The following SH3TC2 variants were observed in gnomAD, a reference collection of about 807,000 sequenced individuals.
The protein encoded by SH3TC2 is SH3 domain and tetratricopeptide repeats 2.
SH3TC2 carries 87 observed loss-of-function variants against 124.5 expected under a neutral mutation model. The observed-to-expected ratio is 0.70, with a 90% CI of 0.59 to 0.84. The LOEUF (loss-of-function observed/expected upper bound fraction) is 0.84, where lower values mean the gene tolerates loss of function less well. SH3TC2 is among the 40% of genes least tolerant of loss of function. The pLI, the probability that SH3TC2 is intolerant of heterozygous loss-of-function variation, is 0.00. For missense variants in SH3TC2, 1,536 were observed against 1,566.4 expected, an observed-to-expected ratio of 0.98 and a Z score of 0.33; for synonymous variants, 634 against 628.5, an observed-to-expected ratio of 1.01 and a Z score of -0.13.
chr5:149,050,303 C>T (rs1413094214), intron 2 of SH3TC2, among the ~76,000 whole-genome samples: 1 of 152,176 alleles, frequency 6.6e-6, no homozygotes, highest in Non-Finnish European at 1.5e-5. Context: ...CAGATTAATC[C>T]TTCTCAAAGT....
chr5:149,002,795 A>G lies in SH3TC2; in HGVS notation c.*1916T>C, dbSNP rs2127390806. The stretch of plus-strand genomic sequence containing the variant: ...CTTTCTAAAAATGCATGTTCCTGGG[A>G]TACATCCCAGATCTACTGAATCAGA... On this transcript the variant is annotated 3_prime_UTR_variant, in exon 17 of 17. Transcript: ENST00000515425. 1 of 152,354 alleles carries G rather than the reference A, an allele frequency of 6.6e-6. No individual in the cohort carries two copies. Among genetic ancestry groups the G allele is most frequent in the African/African-American group, 2.4e-5 (1 of 41,576 alleles). The allele number at this position is 152,354 out of a possible 1,614,324, so 9.4% of individuals were successfully genotyped here.
In SH3TC2 at chr5:149,002,884, A is replaced by C. The variant is rs887428816; in HGVS notation, c.*1827T>G. On this transcript the variant is annotated 3_prime_UTR_variant, in exon 17 of 17. Coordinates refer to ENST00000515425, the MANE Select transcript of SH3TC2 (RefSeq NM_024577.4). ...ACCTCACCAGGTAATAGTTATGCAC[A>C]CTATCTGAGGGCTCTTGCCCTGCAG... The C allele has an allele frequency of 7.2e-5, 11 of 152,636 alleles. No homozygotes were observed. The highest frequency in any genetic ancestry group is 2.4e-4 in the African/African-American group (10 of 41,590). 9.5% of individuals were successfully genotyped at this position (152,636 alleles called of 1,614,324 possible). A position where few individuals can be genotyped will look rare whatever the true frequency, so the allele number is the denominator to read the frequency against.
At chr5:149,046,630 G>A (rs1382302601) in intron 3 of SH3TC2, 1 of 152,172 alleles carries the variant, frequency 6.6e-6, no homozygotes. Flanking sequence ...AAGCTGCGGA[G>A]CCTTGATTAG....
Position 148,990,261 on chromosome 5 carries a change from T to G in SH3TC2, c.*14450A>C, listed in dbSNP as rs758906397. 2.6e-4 allele frequency among the ~76,000 whole-genome samples: 39 copies of G among 151,332 alleles called. No homozygotes were observed. Among genetic ancestry groups the G allele is most frequent in the Non-Finnish European group, 4.9e-4 (33 of 68,008 alleles). ...CATTTAAAATATATTCATAGTAAGATGACAAACTGTTCCTCTTTAGAAGTA... is the reference window on the plus strand; with the variant it reads ...CATTTAAAATATATTCATAGTAAGAGGACAAACTGTTCCTCTTTAGAAGTA... On this transcript the variant is annotated 3_prime_UTR_variant, in exon 17 of 17. Coordinates refer to ENST00000515425, the MANE Select transcript of SH3TC2 (RefSeq NM_024577.4).
intron 1 of SH3TC2, among the ~76,000 whole-genome samples, chr5:149,060,414 T>C (rs1754726263): frequency 6.6e-6 from 1 of 152,134 alleles, no homozygotes. Context: ...TTGAGAGCCA[T>C]CCCAGGGAAC....
intron 1 of SH3TC2, 91 bp from the exon 2 acceptor site, chr5:149,052,331 A>G: frequency 1.1e-6 from 1 of 944,210 alleles, no homozygotes. Context: ...CAAGTGACAA[A>G]TTTTTTCCAG....
At chr5:149,040,919 C>T (rs1295994039) in intron 6 of SH3TC2, among the ~76,000 whole-genome samples, 1 of 152,182 alleles carries the variant, frequency 6.6e-6, no homozygotes, top group Non-Finnish European at 1.5e-5. Context: ...AACAAACAAT[C>T]CCTTTACACT....
At chr5:149,060,831 G>A (rs748324802) in intron 1 of SH3TC2, among the ~76,000 whole-genome samples, 1 of 152,182 alleles carries the variant, frequency 6.6e-6, no homozygotes, top group South Asian at 2.1e-4. Flanking sequence ...CATGGGATAA[G>A]TACCACCATT....
rs1753442287 is a variant in SH3TC2, at chr5:148,992,783, T to C, written c.*11928A>G. 6.6e-6 allele frequency among the ~76,000 whole-genome samples: 1 copy of C among 152,072 alleles called. No individual in the cohort carries two copies. Among genetic ancestry groups the C allele is most frequent in the African/African-American group, 2.4e-5 (1 of 41,398 alleles). On this transcript the variant is annotated 3_prime_UTR_variant, in exon 17 of 17. Coordinates refer to ENST00000515425, the MANE Select transcript of SH3TC2 (RefSeq NM_024577.4). ...GACCCCAATCCCACTGCTCTTTAAC[T>C]ACATCACACTGAGCTAACTCATCCC... is the stretch of plus-strand genomic sequence containing the variant.
At chr5:149,028,649 T>C (rs1278069419) in intron 10 of SH3TC2, 28 bp downstream of exon 10, 1 of 1,614,144 alleles carries the variant, frequency 6.2e-7, no homozygotes, top group Admixed American at 1.7e-5. Flanking sequence ...CAAGGATGAA[T>C]GTCAGGTTCA....
rs771840516 is a variant in SH3TC2 at position 149,004,727 on chromosome 5, C to T, written c.3851G>A (p.Gly1284Asp). The T allele has an allele frequency of 6.2e-7, 1 of 1,613,364 alleles. No individual in the cohort carries two copies. Residue 1284 changes from glycine (G) to aspartate (D), a missense_variant, in exon 17 of 17, where the codon GGT becomes GAT. Physicochemically the swap from Gly to Asp is moderately conservative, Grantham distance 94. Around this residue, in one of 3 missense-constraint regions of SH3TC2, gnomAD observed 426 missense variants for 443.5 expected, o/e 0.96. Coordinates refer to ENST00000515425, the MANE Select transcript of SH3TC2 (RefSeq NM_024577.4). ...SSERARWLSG[G>D]GLAL The stretch of plus-strand genomic sequence containing the variant: ...CAGCTTTCCTCAGAGGGCCAGGCCA[C>T]CACCACTCAGCCACCGCGCCCTCTC...
chr5:149,042,170 T>C (rs1580910386), intron 5 of SH3TC2, among the ~76,000 whole-genome samples: 1 of 152,356 alleles, frequency 6.6e-6, no homozygotes, highest in East Asian at 1.9e-4. Flanking sequence ...ACCTCATAGT[T>C]GTTAATTGGT....
chr5:149,041,244 A>C (rs567403274), intron 6 of SH3TC2, among the ~76,000 whole-genome samples, 172 bp downstream of exon 6: 1 of 152,344 alleles, frequency 6.6e-6, no homozygotes, highest in Non-Finnish European at 1.5e-5. Flanking sequence ...CAGATTGTTA[A>C]AATTCTTGGT....
chr5:149,007,527 A>G, intron 15 of SH3TC2: 1 of 277,342 alleles, frequency 3.6e-6, no homozygotes. Flanking sequence ...CTGTATAATA[A>G]ATGTCTTCCT....
In SH3TC2 at chr5:149,028,331, G is replaced by A. The variant is rs150950962; in HGVS notation, c.1401C>T (p.Phe467=). The A allele has an allele frequency of 6.6e-5, 107 of 1,614,046 alleles. 2 individuals are homozygous for A. The South Asian group carries it at 7.5e-4, about 11-fold the overall frequency. The change falls in exon 11 of 17, where the codon TTC becomes TTT. Residue 467 remains phenylalanine (F), a synonymous_variant. Transcript: ENST00000515425. ...STGQEEEAEN[F]APILAFLDHE... is the part of the protein sequence containing the mutation. ...GATCCAGAAAAGCCAATATGGGGGCGAAGTTCTCAGCCTCCTCCTCCTGAC... is the reference window on the plus strand; with the variant it reads ...GATCCAGAAAAGCCAATATGGGGGCAAAGTTCTCAGCCTCCTCCTCCTGAC...
At chr5:149,039,712 G>A (rs553514882) in intron 7 of SH3TC2, among the ~76,000 whole-genome samples, 4 of 152,252 alleles carry the variant, frequency 2.6e-5, no homozygotes, top group African/African-American at 7.2e-5. Context: ...TGCAACATAG[G>A]GCAGGTGGAT....
intron 14 of SH3TC2, among the ~76,000 whole-genome samples, chr5:149,009,887 A>C (rs192943428): frequency 6.6e-6 from 1 of 152,206 alleles, no homozygotes; most frequent in African/African-American, 2.4e-5. Flanking sequence ...AAAAGCATTC[A>C]TCTACATAAC....
Position 149,031,611 on chromosome 5 carries a change from A to T in SH3TC2, c.1078T>A (p.Cys360Ser). Reference sequence around the variant, plus strand: ...GCAAGAGTGTGGAGGAAGCTGGAACACTCAGTCTGCTTATCACTTCCCAGG... The same window carrying T: ...GCAAGAGTGTGGAGGAAGCTGGAACTCTCAGTCTGCTTATCACTTCCCAGG... Reference protein sequence around the residue: ...LALGSDKQTECSSFLHTLART... With the variant: ...LALGSDKQTESSSFLHTLART... Residue 360 changes from cysteine to serine, a missense_variant, in exon 9 of 17, where the codon TGT becomes AGT. By Grantham distance (112) the Cys-to-Ser change is moderately radical (BLOSUM62 -1). Transcript: ENST00000515425. 6.2e-7 allele frequency: 1 copy of T among 1,614,094 alleles called. No individual in the cohort carries two copies. Among genetic ancestry groups the T allele is most frequent in the African/African-American group, 1.3e-5 (1 of 75,004 alleles).
chr5:149,042,799 G>T lies in SH3TC2; in HGVS notation c.424C>A (p.His142Asn). 6.2e-7 allele frequency: 1 copy of T among 1,614,096 alleles called. No individual in the cohort carries two copies. The highest frequency in any genetic ancestry group is 8.5e-7 in the Non-Finnish European group (1 of 1,180,020). The change falls in exon 5 of 17, where the codon CAC (histidine) becomes AAC (asparagine). Residue 142 changes from histidine (H) to asparagine (N), a missense_variant. By Grantham distance (68) the His-to-Asn change is moderately conservative. Around this residue, in one of 3 missense-constraint regions of SH3TC2, gnomAD observed 1,102 missense variants for 1,098.6 expected, o/e 1.00. Coordinates refer to ENST00000515425, the MANE Select transcript of SH3TC2 (RefSeq NM_024577.4). ...AATATGCAGTTGAGCCAGTACTTGT[G>T]GTCAAAGAGGAGATGTTCTAGACAC... ...SMCLEHLLFD[H>N]KYWLNCILVE...
Sources: allele counts gnomAD v4.1 joint callset (sites outside exome capture counted in the v4.1 genomes callset), GRCh38; gene constraint gnomAD v4.1.1; regional missense constraint gnomAD v4.1.1; transcripts MANE v1.5; gene names NCBI Gene and HGNC (gene_info 2026-07-23, HGNC 2026-07-21).